The following PLA1A variants were observed in gnomAD, a reference collection of about 807,000 sequenced individuals.
The protein encoded by PLA1A is phosphatidylserine-specific phospholipase A1alpha.
A neutral mutation model predicts 49.4 loss-of-function variants in PLA1A; 47 were observed. That is an observed-to-expected ratio of 0.95 (90% confidence interval 0.75 to 1.21). The LOEUF (loss-of-function observed/expected upper bound fraction) is 1.21. PLA1A is among the 50% of genes most tolerant of loss of function. PLA1A has a pLI of 0.00. For synonymous variants in PLA1A, 224 were observed against 207.9 expected (o/e 1.08, Z -0.67); for missense variants, 561 against 563.9 (o/e 0.99, Z 0.05).
intron 4 of PLA1A, among the ~76,000 whole-genome samples, chr3:119,611,231 A>G (rs142632733): frequency 2.6e-3 from 397 of 152,216 alleles, no homozygotes; most frequent in African/African-American, 9.2e-3. Flanking sequence ...CTTGTAGTAT[A>G]GTTTGAAATT....
At chr3:119,608,993 G>C (rs1420402196) in intron 3 of PLA1A, 46 bp downstream of exon 3, 1 of 1,505,160 alleles carries the variant, frequency 6.6e-7, no homozygotes, top group African/African-American at 1.4e-5. Flanking sequence ...CGTATGAGGA[G>C]AGAGGGTCAG....
At chr3:119,611,084 A>C (rs2082759067) in intron 4 of PLA1A, among the ~76,000 whole-genome samples, 1 of 152,022 alleles carries the variant, frequency 6.6e-6, no homozygotes, top group Non-Finnish European at 1.5e-5. Flanking sequence ...CCTCTAAAAA[A>C]AGTGTTAATT....
chr3:119,621,077 G>C (rs180949618), intron 8 of PLA1A, among the ~76,000 whole-genome samples: 1 of 152,304 alleles, frequency 6.6e-6, no homozygotes, highest in East Asian at 1.9e-4. Flanking sequence ...TTTGTCTGGT[G>C]GTGGAGGTGG....
intron 8 of PLA1A, chr3:119,619,981 C>T (rs769542040): frequency 6.2e-5 from 28 of 451,164 alleles, no homozygotes; most frequent in African/African-American, 2.0e-4. Flanking sequence ...CACTTCTTGG[C>T]GCCCACCCTA....
intron 9 of PLA1A, among the ~76,000 whole-genome samples, chr3:119,628,371 A>G (rs1420678440): frequency 6.6e-6 from 1 of 152,276 alleles, no homozygotes; most frequent in Non-Finnish European, 1.5e-5. Flanking sequence ...ACTTCTGGGT[A>G]ATTAGATCTG....
intron 7 of PLA1A, among the ~76,000 whole-genome samples, chr3:119,619,318 A>C (rs2082895848): frequency 6.6e-6 from 1 of 152,206 alleles, no homozygotes; most frequent in Admixed American, 6.5e-5. Flanking sequence ...ATTTCTTATA[A>C]TAACCTGCCA....
chr3:119,614,200 A>G (rs1464502167), intron 5 of PLA1A, among the ~76,000 whole-genome samples: 1 of 152,214 alleles, frequency 6.6e-6, no homozygotes, highest in Non-Finnish European at 1.5e-5. Flanking sequence ...AAAGAAACAC[A>G]TGCAGTTGTA....
At chr3:119,608,547 A>C (rs1286249228) in intron 2 of PLA1A, among the ~76,000 whole-genome samples, 2 of 152,044 alleles carry the variant, frequency 1.3e-5, no homozygotes, top group Non-Finnish European at 2.9e-5. Context: ...ACAAAAGGCA[A>C]AGTTTTATAA....
Position 119,629,498 on chromosome 3 carries a change from A to ATATTTT in PLA1A, c.*31_*32insATTTTT, listed in dbSNP as rs1553795318. 331 of 876,724 alleles carry ATATTTT rather than the reference A, an allele frequency of 3.8e-4. No individual in the cohort carries two copies. The highest frequency in any genetic ancestry group is 5.5e-4 in the Non-Finnish European group (311 of 566,800). The allele number at this position is 876,724 out of a possible 1,614,324, so 54.3% of individuals were successfully genotyped here. ...ACCTGGGCAGGACACATCTCCCTGC[A>ATATTTT]TTTTTTTTTTTTTTTTGAGAGAGAG... is the stretch of plus-strand genomic sequence containing the variant. On this transcript the variant is annotated 3_prime_UTR_variant, in exon 11 of 11. Coordinates refer to ENST00000273371, the MANE Select transcript of PLA1A (RefSeq NM_015900.4).
intron 3 of PLA1A, 54 bp downstream of exon 3, chr3:119,609,001 C>A: frequency 1.4e-6 from 2 of 1,456,494 alleles, no homozygotes; most frequent in South Asian, 1.2e-5. Context: ...GAGAGAGGGT[C>A]AGAAAGACAA....
chr3:119,628,049 T>C (rs2052568410), intron 9 of PLA1A, among the ~76,000 whole-genome samples: 3 of 152,170 alleles, frequency 2.0e-5, no homozygotes, highest in Non-Finnish European at 4.4e-5. Flanking sequence ...CAGAACTGGA[T>C]GCCATTTTCA....
At position 119,613,070 on chromosome 3, in the gene PLA1A, G is replaced by C; in HGVS notation, c.616G>C (p.Asp206His). Reference sequence around the variant, plus strand: ...CAGGGCCAGTGTGGAAGAGCGCTTGGATGCTGGAGATGCCCTCTTCGTGGA... The same window carrying C: ...CAGGGCCAGTGTGGAAGAGCGCTTGCATGCTGGAGATGCCCTCTTCGTGGA... ...YTRASVEERL[D>H]AGDALFVEAI... is the part of the protein sequence containing the mutation. Residue 206 changes from aspartate (D) to histidine (H), a missense_variant, in exon 5 of 11, where the codon GAT becomes CAT. Coordinates refer to ENST00000273371, the MANE Select transcript of PLA1A (RefSeq NM_015900.4). 1.2e-6 allele frequency: 2 copies of C among 1,609,320 alleles called. No homozygotes were observed. The highest frequency in any genetic ancestry group is 1.7e-6 in the Non-Finnish European group (2 of 1,177,742).
chr3:119,606,998 G>C (rs1320042703), intron 2 of PLA1A, 23 bp downstream of exon 2: 2 of 1,570,598 alleles, frequency 1.3e-6, no homozygotes, highest in Non-Finnish European at 1.8e-6. Flanking sequence ...TAACCAACAG[G>C]ACTTCTCAAC....
intron 8 of PLA1A, among the ~76,000 whole-genome samples, chr3:119,622,969 G>A (rs1259886539): frequency 2.0e-5 from 3 of 152,076 alleles, no homozygotes; most frequent in Admixed American, 6.6e-5. Context: ...TGGGACTACA[G>A]GCATCCACCA....
Position 119,612,006 on chromosome 3 carries a change from C to G in PLA1A, c.563-1011C>G, listed in dbSNP as rs1236646787. Reference sequence around the variant, plus strand: ...TATATACATGTAAAAGTGTGGAGGACTTTATGCTTCCAGAGCCACTCTCAG... The same window carrying G: ...TATATACATGTAAAAGTGTGGAGGAGTTTATGCTTCCAGAGCCACTCTCAG... On this transcript the variant is annotated intron_variant, in intron 4 of 10. Coordinates refer to ENST00000273371, the MANE Select transcript of PLA1A (RefSeq NM_015900.4). Among the ~76,000 whole-genome samples the G allele has an allele frequency of 2.0e-5, 3 of 152,160 alleles. No homozygotes were observed. In the East Asian group the frequency reaches 5.8e-4, roughly 29 times the overall value.
chr3:119,600,398 A>C, intron 1 of PLA1A: 1 of 702,884 alleles, frequency 1.4e-6, no homozygotes, highest in Non-Finnish European at 2.6e-6. Context: ...GTCTTCCTCC[A>C]TCTGGGGTAG....
intron 5 of PLA1A, among the ~76,000 whole-genome samples, chr3:119,614,202 G>A (rs1246208003): frequency 6.6e-6 from 1 of 152,202 alleles, no homozygotes; most frequent in African/African-American, 2.4e-5. Context: ...AGAAACACAT[G>A]CAGTTGTATT....
intron 3 of PLA1A, 73 bp downstream of exon 3, chr3:119,609,020 C>A: frequency 7.9e-7 from 1 of 1,267,726 alleles, no homozygotes; most frequent in South Asian, 1.3e-5. Flanking sequence ...AAAAGCACTG[C>A]CTGAGGAGGC....
intron 1 of PLA1A, among the ~76,000 whole-genome samples, chr3:119,606,373 C>A (rs970867746): frequency 6.6e-6 from 1 of 152,178 alleles, no homozygotes; most frequent in African/African-American, 2.4e-5. Flanking sequence ...TTGATTTAGA[C>A]CCACTCTGTT....
Sources: gnomAD v4.1 joint callset for allele counts (sites outside exome capture counted in the v4.1 genomes callset) on GRCh38, gnomAD v4.1.1 for gene constraint, MANE v1.5 for transcripts, NCBI Gene and HGNC (gene_info 2026-07-23, HGNC 2026-07-21) for gene names.